The following PCDH15 variants were observed in gnomAD, a reference collection of about 807,000 sequenced individuals.
PCDH15 encodes the protein protocadherin related 15.
Under a neutral mutation model 178.5 loss-of-function variants are expected in PCDH15, and 129 were observed. The ratio of observed to expected loss-of-function variants is 0.72; its 90% CI spans 0.63 to 0.84. PCDH15 has a LOEUF of 0.84. PCDH15 is among the 40% of genes least tolerant of loss of function. PCDH15 has a pLI of 0.00. For missense variants in PCDH15, 2,230 were observed against 2,099.9 expected (o/e 1.06, Z -1.21); for synonymous variants, 800 against 732.0 (o/e 1.09, Z -1.50).
chr10:54,982,577 T>C (rs891063156), intron 2 of PCDH15, among the ~76,000 whole-genome samples: 1 of 152,170 alleles, frequency 6.6e-6, no homozygotes, highest in African/African-American at 2.4e-5. Context: ...CTCTTGCAAA[T>C]ATGTATGAAC....
chr10:54,076,733 T>C (rs1415697618), intron 17 of PCDH15, among the ~76,000 whole-genome samples: 1 of 152,098 alleles, frequency 6.6e-6, no homozygotes, highest in Non-Finnish European at 1.5e-5. Flanking sequence ...CCATACTGTC[T>C]ACAAATAAAC....
chr10:54,188,126 G>A (rs2048642352), intron 11 of PCDH15, among the ~76,000 whole-genome samples: 1 of 151,814 alleles, frequency 6.6e-6, no homozygotes, highest in South Asian at 2.1e-4. Flanking sequence ...CAAAGGTTTG[G>A]TAAGAAACAA....
intron 2 of PCDH15, among the ~76,000 whole-genome samples, chr10:55,062,309 T>C (rs1252271984): frequency 1.3e-5 from 2 of 152,330 alleles, no homozygotes; most frequent in South Asian, 2.1e-4. Flanking sequence ...CTGGTCCCAC[T>C]GACATCAAAT....
chr10:53,984,525 T>C (rs2090962492), intron 21 of PCDH15, among the ~76,000 whole-genome samples: 1 of 152,184 alleles, frequency 6.6e-6, no homozygotes, highest in African/African-American at 2.4e-5. Context: ...AGTTTTCCCT[T>C]ATGCTTAATC....
chr10:54,964,325 T>C (rs1838728605), intron 2 of PCDH15, among the ~76,000 whole-genome samples: 2 of 152,156 alleles, frequency 1.3e-5, no homozygotes, highest in Admixed American at 6.6e-5. Flanking sequence ...CTGGCAAATA[T>C]TTTGGAATGT....
rs1286631664 is a variant in PCDH15, at chr10:54,085,982, C to A, written c.1997+4002G>T. Among the ~76,000 whole-genome samples the A allele has an allele frequency of 2.0e-5, 3 of 151,908 alleles. No homozygotes were observed. In the South Asian group the frequency reaches 6.2e-4, roughly 32 times the overall value. On this transcript the variant is annotated intron_variant, in intron 16 of 37. Coordinates refer to ENST00000644397, the MANE Select transcript of PCDH15 (RefSeq NM_001384140.1). ...TTTTGCTTTAAGATATAAAATATAA[C>A]CCAAATAGCATATATTGAAGTGTCT...
At chr10:55,250,481 GT>G (rs1841805442) in intron 1 of PCDH15, among the ~76,000 whole-genome samples, 1 of 116,734 alleles carries the variant, frequency 8.6e-6, no homozygotes, top group Non-Finnish European at 1.8e-5. Context: ...TCAGACCCTT[GT>G]AAAAAAAAAA....
chr10:54,424,316 C>T (rs1186557094), intron 3 of PCDH15, among the ~76,000 whole-genome samples: 4 of 151,856 alleles, frequency 2.6e-5, no homozygotes, highest in African/African-American at 7.3e-5. Context: ...GAGATACCTT[C>T]GCATACCAGT....
rs149253581 is a variant in PCDH15, at chr10:55,525,115, G to A, written c.-156+102510C>T. The stretch of plus-strand genomic sequence containing the variant: ...ATTCACCCAGAAAAGAATGCATCAC[G>A]GAACTCTGAAATGTAGAGTAGGTTG... On this transcript the variant is annotated intron_variant, in intron 2 of 5. Coordinates refer to the PCDH15 transcript ENST00000613346. Among the ~76,000 whole-genome samples, 242 of 151,796 alleles carry A rather than the reference G, an allele frequency of 1.6e-3. 2 individuals are homozygous for A. The highest frequency in any genetic ancestry group is 5.7e-3 in the African/African-American group (235 of 41,486).
chr10:53,951,794 A>G (rs993982323), intron 23 of PCDH15, among the ~76,000 whole-genome samples: 3 of 152,066 alleles, frequency 2.0e-5, no homozygotes, highest in Non-Finnish European at 4.4e-5. Context: ...GGCTTCTTCT[A>G]CCGGCCCAGA....
chr10:55,380,729 A>T lies in PCDH15; in HGVS notation c.-155-214078T>A, dbSNP rs150474349. On this transcript the variant is annotated intron_variant, in intron 2 of 5. Transcript: ENST00000613346. ...GGCCAAGAATGCAAACATGATGCTC[A>T]TATTGCCCACTACACCATAAATAAT... Among the ~76,000 whole-genome samples, 4 of 152,282 alleles carry T rather than the reference A, an allele frequency of 2.6e-5. No homozygotes were observed. The East Asian group carries it at 7.7e-4, about 29-fold the overall frequency.
chr10:55,031,519 G>A (rs945540510), intron 2 of PCDH15, among the ~76,000 whole-genome samples: 2 of 152,178 alleles, frequency 1.3e-5, no homozygotes, highest in Non-Finnish European at 2.9e-5. Context: ...GTGGGCATGA[G>A]TCTCAGACCG....
chr10:54,863,663 A>T (rs1953887294), intron 3 of PCDH15, among the ~76,000 whole-genome samples: 1 of 152,216 alleles, frequency 6.6e-6, no homozygotes, highest in Non-Finnish European at 1.5e-5. Context: ...TTTAGAAATG[A>T]TCCAAGTGTT....
intron 32 of PCDH15, chr10:53,823,864 T>G (rs531042259): frequency 3.0e-4 from 133 of 444,482 alleles, no homozygotes; most frequent in African/African-American, 2.2e-3. Context: ...TTCTCCAAAT[T>G]AAGAGAATTA....
chr10:54,811,715 C>T (rs1299910397), intron 3 of PCDH15, among the ~76,000 whole-genome samples: 3 of 152,164 alleles, frequency 2.0e-5, no homozygotes, highest in Admixed American at 1.3e-4. Context: ...GTGATCCACC[C>T]GCCTCCGCCT....
intron 23 of PCDH15, among the ~76,000 whole-genome samples, chr10:53,948,596 G>A (rs2086765037): frequency 6.6e-6 from 1 of 152,126 alleles, no homozygotes; most frequent in African/African-American, 2.4e-5. Flanking sequence ...GGAAATGAAT[G>A]ACTTATCCAT....
intron 5 of PCDH15, among the ~76,000 whole-genome samples, chr10:54,351,865 A>G (rs1368486089): frequency 4.6e-5 from 7 of 152,210 alleles, no homozygotes; most frequent in Admixed American, 3.3e-4. Context: ...CAGACTGTCC[A>G]TGAATAAACT....
At chr10:55,609,419 G>T (rs1843312155) in intron 2 of PCDH15, among the ~76,000 whole-genome samples, 1 of 152,064 alleles carries the variant, frequency 6.6e-6, no homozygotes, top group Non-Finnish European at 1.5e-5. Flanking sequence ...AGCTCTCATG[G>T]TAATCATGTG....
rs78630267 is a variant in PCDH15, at chr10:54,055,880, T to C, written c.2220+10877A>G. Among the ~76,000 whole-genome samples the C allele has an allele frequency of 2.3e-3, 352 of 152,314 alleles. 4 individuals are homozygous for C. Among genetic ancestry groups the C allele is most frequent in the Non-Finnish European group, 3.4e-3 (232 of 68,042 alleles). On this transcript the variant is annotated intron_variant, in intron 18 of 37. Transcript: ENST00000644397. ...CTCACTTTCTAACCCAGACTGATGA[T>C]TGAATTCACAGAACATTAGTTGAGA...
Sources: allele counts gnomAD v4.1 joint callset (sites outside exome capture counted in the v4.1 genomes callset), GRCh38; gene constraint gnomAD v4.1.1; transcripts MANE v1.5; gene names NCBI Gene and HGNC (gene_info 2026-07-23, HGNC 2026-07-21).